CEP72: variants seen among roughly 807,000 people sequenced by gnomAD.
The protein encoded by CEP72 is centrosomal protein 72, also known as centrosomal protein of 72 kDa.
A neutral mutation model predicts 65.7 loss-of-function variants in CEP72; 78 were observed. The ratio of observed to expected loss-of-function variants is 1.19; its 90% CI spans 0.99 to 1.43. The LOEUF (loss-of-function observed/expected upper bound fraction) is 1.43. Ranked by LOEUF, CEP72 falls within the 40% of genes most tolerant of loss-of-function variation. CEP72 has a pLI of 0.00. For missense variants in CEP72, 914 were observed against 832.9 expected (o/e 1.10, Z -1.20); for synonymous variants, 358 against 351.7 (o/e 1.02, Z -0.20).
Position 640,590 on chromosome 5 carries a change from A to C in CEP72, c.1525A>C (p.Thr509Pro). Residue 509 changes from threonine (T) to proline (P), a missense_variant, in exon 9 of 12, where the codon ACA becomes CCA. Thr to Pro is a conservative substitution (Grantham distance 38, BLOSUM62 -1). Transcript: ENST00000264935. ...CGAGGTGACGGCGGAGCTGCACCAC[A>C]CACACAAGGAGCTGGTGAGCCCGCC... ...MSEVTAELHH[T>P]HKELDDLRQH... 1 of 1,611,984 alleles carries C rather than the reference A, an allele frequency of 6.2e-7. No homozygotes were observed. The highest frequency in any genetic ancestry group is 8.5e-7 in the Non-Finnish European group (1 of 1,179,652).
chr5:619,990 C>G (rs1049620002), intron 2 of CEP72, 79 bp from the exon 3 acceptor site: 1 of 1,154,202 alleles, frequency 8.7e-7, no homozygotes, highest in African/African-American at 1.5e-5. Flanking sequence ...GTTGGTTGGT[C>G]AGTGTGTGTT....
chr5:614,890 C>T (rs1221797054), intron 1 of CEP72, among the ~76,000 whole-genome samples: 1 of 152,126 alleles, frequency 6.6e-6, no homozygotes, highest in East Asian at 1.9e-4. Context: ...TATGTAAATA[C>T]ATAAATATCA....
exon 5 of CEP72, chr5:667,130 A>G (rs1194537058): frequency 6.6e-6 from 1 of 152,244 alleles, no homozygotes; most frequent in Admixed American, 6.5e-5. Context: ...AATAGCCAAA[A>G]CGATTTCAAG....
At chr5:642,960 C>G in intron 9 of CEP72, 1 of 985,490 alleles carries the variant, frequency 1.0e-6, no homozygotes, top group Non-Finnish European at 1.2e-6. Flanking sequence ...CCACTTCCAG[C>G]TGCTGTGCCT....
chr5:615,322 G>C (rs960086799), intron 1 of CEP72, among the ~76,000 whole-genome samples: 1 of 152,082 alleles, frequency 6.6e-6, no homozygotes, highest in East Asian at 1.9e-4. Flanking sequence ...TTTTAGTAGA[G>C]ACGGGGTTTC....
At chr5:639,598 G>A (rs1282145313) in intron 8 of CEP72, among the ~76,000 whole-genome samples, 2 of 152,218 alleles carry the variant, frequency 1.3e-5, no homozygotes, top group Admixed American at 6.5e-5. Flanking sequence ...CGTGTAGCCT[G>A]TGCTGGGCCT....
At chr5:629,516 G>C (rs548988092) in intron 4 of CEP72, among the ~76,000 whole-genome samples, 1 of 125,164 alleles carries the variant, frequency 8.0e-6, no homozygotes, top group Non-Finnish European at 1.7e-5. Flanking sequence ...TCCTGGTGGG[G>C]TTCTGTCCAG....
intron 2 of CEP72, chr5:664,973 C>G (rs760137654): frequency 8.8e-7 from 1 of 1,135,070 alleles, no homozygotes; most frequent in Non-Finnish European, 1.2e-6. Flanking sequence ...TGGGCCTGGC[C>G]GCCCCCCAGC....
intron 9 of CEP72, chr5:643,758 G>A (rs1738221928): frequency 1.5e-6 from 1 of 680,298 alleles, no homozygotes; most frequent in Non-Finnish European, 1.8e-6. Flanking sequence ...CCAGGGAGGG[G>A]CAGAGGCTGC....
At chr5:655,829 G>T (rs1739364020), downstream of CEP72, among the ~76,000 whole-genome samples, 1 of 152,162 alleles carries the variant, frequency 6.6e-6, no homozygotes, top group South Asian at 2.1e-4. This position sits in a 1 kb window ranked among gnomAD's most constrained non-coding sequence, Gnocchi z 5.0. Context: ...ATGATTCTGG[G>T]TAGTAGTGCT....
chr5:664,785 T>C, intron 2 of CEP72: 1 of 296,116 alleles, frequency 3.4e-6, no homozygotes, highest in South Asian at 5.5e-5. Context: ...GCCAGCTGCT[T>C]TAAAACGCCC....
At chr5:670,606 G>A (rs548560477), downstream of CEP72, among the ~76,000 whole-genome samples, 21 of 152,204 alleles carry the variant, frequency 1.4e-4, no homozygotes, top group South Asian at 2.1e-4. Flanking sequence ...GTAGGGACGC[G>A]GCCTTAGGGG....
rs143569794 is a variant in CEP72, at chr5:635,546, G to C, written c.866G>C (p.Arg289Pro). 61 of 1,613,786 alleles carry C rather than the reference G, an allele frequency of 3.8e-5. No individual in the cohort carries two copies. The highest frequency in any genetic ancestry group is 5.1e-5 in the Non-Finnish European group (60 of 1,179,992). ...PLYGAEPEASRAPRPHTYFTP... is the reference protein window; with the variant it reads ...PLYGAEPEASPAPRPHTYFTP... ...TACGGAGCGGAGCCAGAGGCCTCCC[G>C]TGCCCCCAGGCCACACACGTACTTC... Residue 289 changes from arginine (R) to proline (P), a missense_variant, in exon 6 of 12, where the codon CGT (arginine) becomes CCT (proline). Physicochemically the swap from Arg to Pro is moderately radical, Grantham distance 103. Transcript: ENST00000264935.
chr5:625,035 A>G (rs1469335189), intron 4 of CEP72, among the ~76,000 whole-genome samples: 2 of 152,026 alleles, frequency 1.3e-5, no homozygotes, highest in African/African-American at 4.8e-5. Context: ...CGGTGCCGGG[A>G]TGCGCCTTCC....
At position 612,462 on chromosome 5, in the gene CEP72, G is replaced by A. The variant is rs914469589; in HGVS notation, c.82+19G>A. 25 of 1,434,984 alleles carry A rather than the reference G, an allele frequency of 1.7e-5. No homozygotes were observed. Among genetic ancestry groups the A allele is most frequent in the Non-Finnish European group, 1.9e-5 (21 of 1,095,106 alleles). The allele number at this position is 1,434,984 out of a possible 1,614,324, so 88.9% of individuals were successfully genotyped here. On this transcript the variant is annotated intron_variant, in intron 1 of 11. Coordinates refer to ENST00000264935, the MANE Select transcript of CEP72 (RefSeq NM_018140.4). ...GACCTGGGTGCGCCGGAGGGCGGGC[G>A]GGGGTGCAAGCGTGAGGTGGCGGGG... is the stretch of plus-strand genomic sequence containing the variant.
At chr5:636,120 A>G (rs948389511) in intron 6 of CEP72, among the ~76,000 whole-genome samples, 1 of 152,264 alleles carries the variant, frequency 6.6e-6, no homozygotes, top group Non-Finnish European at 1.5e-5. Context: ...CTACAGCAAC[A>G]TGAAATCCCT....
rs1444773077 is a variant in CEP72 at position 645,120 on chromosome 5, A to G, written c.1666+695A>G. ...GCATCTCTTCCTGGTCTAGCCTCTCAGGGGCTCATGGACTTTTCCTCAAAG... is the reference window on the plus strand; with the variant it reads ...GCATCTCTTCCTGGTCTAGCCTCTCGGGGGCTCATGGACTTTTCCTCAAAG... On this transcript the variant is annotated intron_variant, in intron 10 of 11. Transcript: ENST00000264935. This position sits in a 1 kb window ranked among gnomAD's most constrained non-coding sequence, Gnocchi z 4.0. 6.6e-6 allele frequency among the ~76,000 whole-genome samples: 1 copy of G among 151,968 alleles called. No homozygotes were observed. The highest frequency in any genetic ancestry group is 1.5e-5 in the Non-Finnish European group (1 of 68,008).
intron 1 of CEP72, among the ~76,000 whole-genome samples, chr5:614,619 C>G (rs973242441): frequency 5.3e-5 from 8 of 152,078 alleles, no homozygotes; most frequent in African/African-American, 1.9e-4. Flanking sequence ...CCTCGGCCTC[C>G]CAAAGTGCTG....
chr5:654,353 CCT>C (rs546781079), downstream of CEP72, among the ~76,000 whole-genome samples: 45 of 121,044 alleles, frequency 3.7e-4, 1 homozygote, highest in South Asian at 8.5e-3. Flanking sequence ...GCGCACGCAC[CCT>C]GTGTGTGTGC....
Sources: allele counts gnomAD v4.1 joint callset (sites outside exome capture counted in the v4.1 genomes callset), GRCh38; gene constraint gnomAD v4.1.1; non-coding constraint Gnocchi (gnomAD v3.1); transcripts MANE v1.5; gene names NCBI Gene and HGNC (gene_info 2026-07-23, HGNC 2026-07-21).